The following CUL3 variants were observed in gnomAD, a reference collection of about 807,000 sequenced individuals.
CUL3 encodes cullin-3.
CUL3 carries 19 observed loss-of-function variants against 89.1 expected under a neutral mutation model. That is an observed-to-expected ratio of 0.21 (90% CI 0.15 to 0.31). The LOEUF is 0.31. CUL3 is among the 10% of genes least tolerant of loss of function. The pLI is 1.00. For synonymous variants in CUL3, 351 were observed against 308.4 expected (o/e 1.14, Z -1.45); for missense variants, 469 against 942.3 (o/e 0.50, Z 6.58).
At chr2:224,479,536 G>A (rs952045050) in intron 14 of CUL3, 1 of 152,128 alleles carries the variant, frequency 6.6e-6, no homozygotes, top group Non-Finnish European at 1.5e-5. Context: ...CAAAAAGTGA[G>A]ATATAAAAGA....
chr2:224,555,986 T>C (rs1390576789), intron 2 of CUL3, among the ~76,000 whole-genome samples: 3 of 152,196 alleles, frequency 2.0e-5, no homozygotes, highest in Admixed American at 6.5e-5. Flanking sequence ...CACTACATTA[T>C]GACTGAAAGC....
chr2:224,559,164 C>T (rs1559223868), intron 1 of CUL3, among the ~76,000 whole-genome samples: 1 of 152,102 alleles, frequency 6.6e-6, no homozygotes. Context: ...CTGTCAGTTT[C>T]ACCACATGGA....
At chr2:224,516,349 G>A (rs561010849) in intron 3 of CUL3, among the ~76,000 whole-genome samples, 16 of 141,414 alleles carry the variant, frequency 1.1e-4, no homozygotes, top group Non-Finnish European at 2.3e-4. Context: ...ATGGGGTGTC[G>A]CTCTGTCACC....
In CUL3 at chr2:224,550,309, G is replaced by A. The variant is rs1320680142; in HGVS notation, c.264+7350C>T. Among the ~76,000 whole-genome samples the A allele has an allele frequency of 3.9e-5, 6 of 152,286 alleles. No homozygotes were observed. In the East Asian group the frequency reaches 1.2e-3, roughly 29 times the overall value. ...ATGTTATATTTTAGTAATTTTGTCT[G>A]TGAAATAAAGTTTTGGCTGTGCTGT... is the stretch of plus-strand genomic sequence containing the variant. On this transcript the variant is annotated intron_variant, in intron 2 of 15. Coordinates refer to ENST00000264414, the MANE Select transcript of CUL3 (RefSeq NM_003590.5).
At chr2:224,521,525 G>T (rs1427839814) in intron 3 of CUL3, among the ~76,000 whole-genome samples, 1 of 151,544 alleles carries the variant, frequency 6.6e-6, no homozygotes, top group Non-Finnish European at 1.5e-5. Context: ...CCGCCTCCCA[G>T]GTTCAAGTGA....
intron 8 of CUL3, among the ~76,000 whole-genome samples, chr2:224,505,247 C>T (rs572039475): frequency 2.0e-5 from 3 of 151,682 alleles, no homozygotes; most frequent in Admixed American, 6.6e-5. Flanking sequence ...AAGTGATTCT[C>T]CTGCCTCAGC....
Position 224,540,310 on chromosome 2 carries a change from G to A in CUL3, c.265-4669C>T, listed in dbSNP as rs977085790. 4.6e-5 allele frequency among the ~76,000 whole-genome samples: 7 copies of A among 151,788 alleles called. No individual in the cohort carries two copies. The East Asian group carries it at 9.6e-4, about 21-fold the overall frequency. Reference sequence around the variant, plus strand: ...TGACCTCAAGTGATCCACTCGCCTCGGCCTCCCAAGGTGCTGGGATTACAC... The same window carrying A: ...TGACCTCAAGTGATCCACTCGCCTCAGCCTCCCAAGGTGCTGGGATTACAC... On this transcript the variant is annotated intron_variant, in intron 2 of 15. Transcript: ENST00000264414.
chr2:224,525,736 A>G (rs1693449902), intron 3 of CUL3, among the ~76,000 whole-genome samples: 1 of 152,238 alleles, frequency 6.6e-6, no homozygotes, highest in African/African-American at 2.4e-5. Flanking sequence ...GACTCAGCCA[A>G]GGAAGGCTTA....
At chr2:224,521,603 G>A (rs549663220) in intron 3 of CUL3, among the ~76,000 whole-genome samples, 29 of 151,952 alleles carry the variant, frequency 1.9e-4, no homozygotes, top group African/African-American at 5.8e-4. Context: ...GCTAATTTTT[G>A]TATTTTCAGT....
chr2:224,490,958 C>T (rs1691948758), intron 13 of CUL3, among the ~76,000 whole-genome samples: 1 of 151,912 alleles, frequency 6.6e-6, no homozygotes, highest in Non-Finnish European at 1.5e-5. Context: ...TCACGTATCC[C>T]ATAAATATAT....
At chr2:224,555,510 C>A (rs187243469) in intron 2 of CUL3, among the ~76,000 whole-genome samples, 2 of 152,194 alleles carry the variant, frequency 1.3e-5, no homozygotes, top group Non-Finnish European at 2.9e-5. Flanking sequence ...TTTTCACCCA[C>A]TTAAAAACCT....
intron 11 of CUL3, 174 bp downstream of exon 11, chr2:224,500,189 C>A: frequency 1.6e-6 from 1 of 609,054 alleles, no homozygotes; most frequent in Non-Finnish European, 2.7e-6. Flanking sequence ...TTACTTTACT[C>A]ATCAAGATCC....
chr2:224,585,292 C>T lies in CUL3; in HGVS notation c.-283G>A, dbSNP rs1695559939. The T allele has an allele frequency of 2.5e-6, 1 of 399,552 alleles. No homozygotes were observed. The highest frequency in any genetic ancestry group is 4.4e-6 in the Non-Finnish European group (1 of 228,054). The allele number at this position is 399,552 out of a possible 1,614,324, so 24.8% of individuals were successfully genotyped here. On this transcript the variant is annotated 5_prime_UTR_variant, in exon 1 of 16. Coordinates refer to ENST00000264414, the MANE Select transcript of CUL3 (RefSeq NM_003590.5). Reference sequence around the variant, plus strand: ...TCACGTCCGGCTCGGCTCCCTTTATCGCGCTCCTCCGCGATGGCGGCGGCG... The same window carrying T: ...TCACGTCCGGCTCGGCTCCCTTTATTGCGCTCCTCCGCGATGGCGGCGGCG...
chr2:224,554,016 T>C (rs1327222078), intron 2 of CUL3, among the ~76,000 whole-genome samples: 1 of 152,168 alleles, frequency 6.6e-6, no homozygotes, highest in Non-Finnish European at 1.5e-5. Context: ...CAACATCCAA[T>C]TGACCATACT....
In CUL3 at chr2:224,585,287, T is replaced by TTTATCGCGCTCCTCCGCGATGGC; in HGVS notation, c.-301_-279dup. On this transcript the variant is annotated 5_prime_UTR_variant, in exon 1 of 16. Coordinates refer to ENST00000264414, the MANE Select transcript of CUL3 (RefSeq NM_003590.5). ...CCCCCTCACGTCCGGCTCGGCTCCCTTTATCGCGCTCCTCCGCGATGGCGG... is the reference window on the plus strand; with the variant it reads ...CCCCCTCACGTCCGGCTCGGCTCCCTTTATCGCGCTCCTCCGCGATGGCTTATCGCGCTCCTCCGCGATGGCGG... The TTTATCGCGCTCCTCCGCGATGGC allele has an allele frequency of 2.5e-6, 1 of 394,460 alleles. No individual in the cohort carries two copies. Among genetic ancestry groups the TTTATCGCGCTCCTCCGCGATGGC allele is most frequent in the Non-Finnish European group, 4.4e-6 (1 of 225,598 alleles). 24.4% of individuals were successfully genotyped at this position (394,460 alleles called of 1,614,324 possible).
chr2:224,532,024 C>T (rs928547012), intron 3 of CUL3, among the ~76,000 whole-genome samples: 5 of 152,158 alleles, frequency 3.3e-5, no homozygotes, highest in Non-Finnish European at 5.9e-5. Flanking sequence ...AAAAAAAGAA[C>T]TTATAAGAAT....
chr2:224,474,573 T>A, intron 15 of CUL3, 197 bp from the exon 16 acceptor site: 1 of 520,488 alleles, frequency 1.9e-6, no homozygotes, highest in Non-Finnish European at 3.4e-6. Context: ...CAAATCAGAA[T>A]GTGAATGCTA....
chr2:224,567,667 G>C (rs1387449567), intron 1 of CUL3, among the ~76,000 whole-genome samples: 7 of 151,920 alleles, frequency 4.6e-5, no homozygotes, highest in African/African-American at 1.5e-4. Flanking sequence ...GTGAACCCAG[G>C]AGGCAGAGGT....
chr2:224,493,344 C>G (rs1241320679), intron 13 of CUL3, among the ~76,000 whole-genome samples: 2 of 152,168 alleles, frequency 1.3e-5, no homozygotes, highest in African/African-American at 2.4e-5. Context: ...TTTAAAAAGG[C>G]TAGCTAATAA....
Sources: gnomAD v4.1 joint callset for allele counts (sites outside exome capture counted in the v4.1 genomes callset) on GRCh38, gnomAD v4.1.1 for gene constraint, MANE v1.5 for transcripts, NCBI Gene and HGNC (gene_info 2026-07-23, HGNC 2026-07-21) for gene names.